The following TMEM131 variants were observed in gnomAD, a reference collection of about 807,000 sequenced individuals.
TMEM131 encodes transmembrane protein 131.
In TMEM131, 66 loss-of-function variants were observed where a neutral mutation model predicts 211.6. That is an observed-to-expected ratio of 0.31 (90% CI 0.26 to 0.38). The LOEUF is 0.38. Among genes scored for constraint, TMEM131 ranks in the 10% least tolerant of loss-of-function variants. The pLI is 1.00. For synonymous variants in TMEM131, 844 were observed against 841.3 expected (o/e 1.00, Z -0.06); for missense variants, 2,036 against 2,299.3 (o/e 0.89, Z 2.34).
At chr2:97,773,654 G>GTT (rs34393939) in intron 32 of TMEM131, among the ~76,000 whole-genome samples, 470 of 146,500 alleles carry the variant, frequency 3.2e-3, no homozygotes, top group Non-Finnish European at 4.7e-3. Context: ...ATTATGTGTG[G>GTT]TTTTTTTTTT....
At chr2:97,957,461 G>A (rs1678623327) in intron 1 of TMEM131, among the ~76,000 whole-genome samples, 1 of 151,834 alleles carries the variant, frequency 6.6e-6, no homozygotes, top group Admixed American at 6.6e-5. Context: ...TGTACTTCTA[G>A]TCTGTCCTGG....
intron 4 of TMEM131, among the ~76,000 whole-genome samples, chr2:97,879,708 T>C (rs1416698063): frequency 6.6e-6 from 1 of 151,900 alleles, no homozygotes; most frequent in Non-Finnish European, 1.5e-5. Flanking sequence ...CTCCACTTAA[T>C]GAATGAGAAT....
At chr2:97,834,752 G>A (rs552931753) in intron 9 of TMEM131, 23 bp downstream of exon 9, 4 of 1,608,880 alleles carry the variant, frequency 2.5e-6, no homozygotes, top group Non-Finnish European at 2.5e-6. Context: ...AACAACTTTC[G>A]ATTTCATCAG....
chr2:97,974,893 G>C (rs959993524), intron 1 of TMEM131, among the ~76,000 whole-genome samples: 1 of 152,252 alleles, frequency 6.6e-6, no homozygotes, highest in Middle Eastern at 3.4e-3. Flanking sequence ...ACAGATATGT[G>C]TTTCTCAATA....
chr2:97,893,565 C>T (rs1329377353), intron 3 of TMEM131, among the ~76,000 whole-genome samples: 1 of 152,190 alleles, frequency 6.6e-6, no homozygotes, highest in Non-Finnish European at 1.5e-5. Flanking sequence ...CATTTCCTGA[C>T]TTTTTAATGA....
At position 97,802,687 on chromosome 2, in the gene TMEM131, A is replaced by G; in HGVS notation, c.2506T>C (p.Leu836=). 1 of 1,611,240 alleles carries G rather than the reference A, an allele frequency of 6.2e-7. No individual in the cohort carries two copies. The highest frequency in any genetic ancestry group is 8.5e-7 in the Non-Finnish European group (1 of 1,178,636). The change falls in exon 23 of 41, where the codon TTG becomes CTG. Residue 836 remains leucine, a synonymous_variant. Coordinates refer to ENST00000186436, the MANE Select transcript of TMEM131 (RefSeq NM_015348.2). The part of the protein sequence containing the change: ...WPSILSSPRH[L]KFPLTNTNCS... ...TTTGTATTAGTAAGTGGAAATTTCA[A>G]GTGCCGGGGTGAGCTAAGTATGGAA...
At chr2:97,782,959 T>C (rs1446227171) in intron 31 of TMEM131, among the ~76,000 whole-genome samples, 1 of 144,886 alleles carries the variant, frequency 6.9e-6, no homozygotes, top group African/African-American at 2.6e-5. Context: ...ACTAAACCTA[T>C]ATAGACTTAA....
intron 32 of TMEM131, among the ~76,000 whole-genome samples, chr2:97,774,250 G>A (rs752511124): frequency 2.6e-5 from 4 of 152,234 alleles, no homozygotes; most frequent in Non-Finnish European, 5.9e-5. Context: ...ACAAGGATGT[G>A]GCCTTTTGTC....
At chr2:97,932,928 G>A (rs777076672) in intron 1 of TMEM131, among the ~76,000 whole-genome samples, 10 of 151,940 alleles carry the variant, frequency 6.6e-5, no homozygotes, top group Non-Finnish European at 1.5e-4. Context: ...AGATGATGGT[G>A]GCTCCATAAG....
intron 3 of TMEM131, among the ~76,000 whole-genome samples, chr2:97,906,952 A>G (rs936254037): frequency 7.2e-5 from 11 of 152,256 alleles, no homozygotes; most frequent in Admixed American, 3.9e-4. Context: ...ACTGATGTCA[A>G]TTCTTCATTA....
chr2:97,908,987 T>C (rs989616960), intron 2 of TMEM131, among the ~76,000 whole-genome samples: 2 of 152,176 alleles, frequency 1.3e-5, no homozygotes, highest in South Asian at 2.1e-4. Context: ...CCTCGGACTG[T>C]TCCCTGCTCA....
intron 11 of TMEM131, among the ~76,000 whole-genome samples, chr2:97,820,220 G>A (rs1051848756): frequency 1.3e-5 from 2 of 152,154 alleles, no homozygotes; most frequent in Admixed American, 1.3e-4. Flanking sequence ...ATCTCTAGCT[G>A]GGGCTGGGAA....
At chr2:97,944,816 T>C (rs889559012) in intron 1 of TMEM131, among the ~76,000 whole-genome samples, 10 of 151,970 alleles carry the variant, frequency 6.6e-5, no homozygotes, top group Admixed American at 6.6e-5. Context: ...ACAATAAGCA[T>C]TGATGAGGAT....
chr2:97,832,379 T>A (rs142092143), intron 11 of TMEM131, among the ~76,000 whole-genome samples: 1 of 152,220 alleles, frequency 6.6e-6, no homozygotes, highest in African/African-American at 2.4e-5. Context: ...AAAGGCACTT[T>A]CCCATCTAGG....
intron 32 of TMEM131, among the ~76,000 whole-genome samples, chr2:97,772,879 G>T (rs1285399818): frequency 6.6e-6 from 1 of 152,234 alleles, no homozygotes; most frequent in Non-Finnish European, 1.5e-5. Flanking sequence ...CTGGGCGACA[G>T]AGCGAGACGC....
intron 5 of TMEM131, among the ~76,000 whole-genome samples, chr2:97,854,026 T>C (rs184979702): frequency 6.6e-6 from 1 of 152,346 alleles, no homozygotes; most frequent in East Asian, 1.9e-4. Context: ...GGTAAAGTGC[T>C]ATTAAACAGC....
intron 35 of TMEM131, chr2:97,764,435 T>G (rs1679056377): frequency 1.3e-5 from 2 of 152,272 alleles, no homozygotes; most frequent in African/African-American, 4.8e-5. Context: ...CTGGAACATT[T>G]TAGTAACGCT....
chr2:97,831,206 T>C (rs1682667232), intron 11 of TMEM131, among the ~76,000 whole-genome samples: 1 of 152,226 alleles, frequency 6.6e-6, no homozygotes. Context: ...GTAGCTACAG[T>C]GACCTTTTAC....
chr2:97,915,987 C>A (rs1676491626), intron 2 of TMEM131, among the ~76,000 whole-genome samples: 1 of 152,156 alleles, frequency 6.6e-6, no homozygotes, highest in South Asian at 2.1e-4. Flanking sequence ...GATCTCAACT[C>A]ACTGCAACCT....
Sources: gnomAD v4.1 joint callset for allele counts (sites outside exome capture counted in the v4.1 genomes callset) on GRCh38, gnomAD v4.1.1 for gene constraint, MANE v1.5 for transcripts, NCBI Gene and HGNC (gene_info 2026-07-23, HGNC 2026-07-21) for gene names.